The following HS3ST5 variants were observed in gnomAD, a reference collection of about 807,000 sequenced individuals.
HS3ST5 encodes the protein heparan sulfate glucosamine 3-O-sulfotransferase 5.
HS3ST5 carries 10 observed loss-of-function variants against 25.4 expected under a neutral mutation model. The observed-to-expected ratio is 0.39, with a 90% CI of 0.24 to 0.67. HS3ST5 has a LOEUF of 0.67. HS3ST5 is among the 30% of genes least tolerant of loss of function. The probability of loss-of-function intolerance (pLI) is 0.44; values close to 1 mark genes in which losing one functional copy is unlikely to be tolerated. For synonymous variants in HS3ST5, 170 were observed against 162.4 expected, an observed-to-expected ratio of 1.05 and a Z score of -0.36; for missense variants, 324 against 420.7, an observed-to-expected ratio of 0.77 and a Z score of 2.01.
intron 1 of HS3ST5, among the ~76,000 whole-genome samples, chr6:114,293,866 A>G (rs1774692557): frequency 6.6e-6 from 1 of 152,198 alleles, no homozygotes; most frequent in South Asian, 2.1e-4. Context: ...AGACTAATAT[A>G]TTCAGGGCTT....
rs188489171 is a variant in HS3ST5 at position 114,152,821 on chromosome 6, A to G, written c.-33+15530T>C. On this transcript the variant is annotated intron_variant, in intron 3 of 4. Transcript: ENST00000312719. ...CGAGGGATGTAAAAGTTCAGCACCC[A>G]TGAAGCCTTTGCTGCTAGAGGCTTT... 4.6e-5 allele frequency among the ~76,000 whole-genome samples: 7 copies of G among 152,316 alleles called. No homozygotes were observed. In the East Asian group the frequency reaches 1.2e-3, roughly 25 times the overall value.
chr6:114,209,643 C>T (rs1454857543), intron 2 of HS3ST5, among the ~76,000 whole-genome samples: 1 of 152,050 alleles, frequency 6.6e-6, no homozygotes, highest in Non-Finnish European at 1.5e-5. Context: ...TTTGCTATCC[C>T]TTATAGTAGA....
intron 1 of HS3ST5, among the ~76,000 whole-genome samples, chr6:114,281,606 G>C (rs1380970882): frequency 6.6e-6 from 1 of 151,954 alleles, no homozygotes; most frequent in Non-Finnish European, 1.5e-5. Flanking sequence ...CTTGGAGAGA[G>C]AGGTAAGCTT....
At chr6:114,201,668 C>T (rs1429437454) in intron 2 of HS3ST5, among the ~76,000 whole-genome samples, 1 of 152,030 alleles carries the variant, frequency 6.6e-6, no homozygotes, top group African/African-American at 2.4e-5. Flanking sequence ...TTGGTCCGTT[C>T]TCAGGCTGCT....
rs189768875 is a variant in HS3ST5 at position 114,113,236 on chromosome 6, T to A, written c.-32-50359A>T. Among the ~76,000 whole-genome samples the A allele has an allele frequency of 4.8e-4, 73 of 152,272 alleles. 1 individual carries two copies. The highest frequency in any genetic ancestry group is 7.4e-5 in the Non-Finnish European group (5 of 68,018). On this transcript the variant is annotated intron_variant, in intron 3 of 4. Coordinates refer to ENST00000312719, the MANE Select transcript of HS3ST5 (RefSeq NM_153612.4). The stretch of plus-strand genomic sequence containing the variant: ...CCTTTCTATCTTCACTCTCCACTGT[T>A]CTATGGCCTTAGTAATTTTTTCTAA...
chr6:114,173,336 A>C (rs939653494), intron 2 of HS3ST5, among the ~76,000 whole-genome samples: 2 of 152,236 alleles, frequency 1.3e-5, no homozygotes, highest in Non-Finnish European at 2.9e-5. Flanking sequence ...TTATAGTTGA[A>C]AAAAGTACAA....
At chr6:114,206,882 A>T (rs2114406141) in intron 2 of HS3ST5, among the ~76,000 whole-genome samples, 1 of 152,264 alleles carries the variant, frequency 6.6e-6, no homozygotes, top group African/African-American at 2.4e-5. Context: ...TAACTCATCA[A>T]GTTTGAGAAG....
At chr6:114,098,177 G>A (rs1327279455) in intron 3 of HS3ST5, among the ~76,000 whole-genome samples, 1 of 151,880 alleles carries the variant, frequency 6.6e-6, no homozygotes, top group African/African-American at 2.4e-5. Context: ...AAGTTATTAT[G>A]ATCTTTTGCT....
At chr6:114,176,636 T>C (rs1214518314) in intron 2 of HS3ST5, among the ~76,000 whole-genome samples, 6 of 152,266 alleles carry the variant, frequency 3.9e-5, no homozygotes, top group South Asian at 2.1e-4. Flanking sequence ...TGGAGTCAGA[T>C]TGGCAACAAA....
In HS3ST5 at chr6:114,313,829, C is replaced by A. The variant is rs542096482; in HGVS notation, c.-339+28366G>T. ...TATGTATCGATCGAGTAATTAAAAT[C>A]AGATGCTTGGATATGAGAATTAGAA... On this transcript the variant is annotated intron_variant, in intron 1 of 4. Coordinates refer to ENST00000312719, the MANE Select transcript of HS3ST5 (RefSeq NM_153612.4). 1.2e-4 allele frequency among the ~76,000 whole-genome samples: 18 copies of A among 152,300 alleles called. No homozygotes were observed. In the East Asian group the frequency reaches 3.3e-3, roughly 28 times the overall value.
chr6:114,215,563 G>A (rs1228246036), intron 2 of HS3ST5, among the ~76,000 whole-genome samples: 2 of 152,012 alleles, frequency 1.3e-5, no homozygotes, highest in South Asian at 2.1e-4. Context: ...AGGAAGCCAG[G>A]AGAATCCTCA....
chr6:114,060,577 A>T (rs1367614773), intron 4 of HS3ST5, among the ~76,000 whole-genome samples: 1 of 152,174 alleles, frequency 6.6e-6, no homozygotes, highest in African/African-American at 2.4e-5. Flanking sequence ...TGTCCTAAGC[A>T]CCTAGAATGA....
At chr6:114,305,259 C>T (rs1386156949) in intron 1 of HS3ST5, among the ~76,000 whole-genome samples, 1 of 152,112 alleles carries the variant, frequency 6.6e-6, no homozygotes, top group Non-Finnish European at 1.5e-5. Flanking sequence ...TATTCAGAAG[C>T]AGTCATACTC....
intron 3 of HS3ST5, among the ~76,000 whole-genome samples, chr6:114,130,519 C>A (rs1484847266): frequency 6.6e-6 from 1 of 152,148 alleles, no homozygotes; most frequent in East Asian, 1.9e-4. Flanking sequence ...AGGAGTATTG[C>A]TTGAGGCCAG....
intron 3 of HS3ST5, among the ~76,000 whole-genome samples, chr6:114,091,785 T>G (rs1331322292): frequency 6.6e-6 from 1 of 152,238 alleles, no homozygotes; most frequent in African/African-American, 2.4e-5. Flanking sequence ...TTTGCATGTT[T>G]CCTGAATTAC....
chr6:114,211,524 A>G lies in HS3ST5; in HGVS notation c.-145+17061T>C, dbSNP rs114872004. Reference sequence around the variant, plus strand: ...CAAACATTTTATATGATGGCTATATAAATGATTTTTCTTTTTAGTAACTTT... The same window carrying G: ...CAAACATTTTATATGATGGCTATATGAATGATTTTTCTTTTTAGTAACTTT... On this transcript the variant is annotated intron_variant, in intron 2 of 4. Transcript: ENST00000312719. Among the ~76,000 whole-genome samples the G allele has an allele frequency of 5.7e-3, 869 of 152,338 alleles. 6 individuals carry two copies. The highest frequency in any genetic ancestry group is 0.02 in the African/African-American group (835 of 41,580).
At chr6:114,066,627 C>T (rs981374638) in intron 3 of HS3ST5, among the ~76,000 whole-genome samples, 3 of 151,666 alleles carry the variant, frequency 2.0e-5, no homozygotes, top group African/African-American at 4.8e-5. Context: ...AGCAAGGCTC[C>T]GTCTCAAAAA....
chr6:114,276,611 GAA>G (rs11448440), intron 1 of HS3ST5, among the ~76,000 whole-genome samples: 1 of 144,588 alleles, frequency 6.9e-6, no homozygotes. Flanking sequence ...GAGAGTGTGG[GAA>G]AAAAAAAAAC....
rs1772773030 is a variant in HS3ST5, at chr6:114,056,400, AT to A, written c.*856del. 6.6e-6 allele frequency: 1 copy of A among 151,988 alleles called. No individual in the cohort carries two copies. Among genetic ancestry groups the A allele is most frequent in the Non-Finnish European group, 1.5e-5 (1 of 67,998 alleles). 9.4% of individuals were successfully genotyped at this position (151,988 alleles called of 1,614,324 possible). On this transcript the variant is annotated 3_prime_UTR_variant, in exon 5 of 5. Transcript: ENST00000312719. ...TCTCATATGCACGTAAACAGCTTCC[AT>A]TTTGGAAGCCAGCAGGGGGCACGTA... is the stretch of plus-strand genomic sequence containing the variant.
Sources: allele counts gnomAD v4.1 joint callset (sites outside exome capture counted in the v4.1 genomes callset), GRCh38; gene constraint gnomAD v4.1.1; transcripts MANE v1.5; gene names NCBI Gene and HGNC (gene_info 2026-07-23, HGNC 2026-07-21).